The following MUC22 variants were observed in gnomAD, a reference collection of about 807,000 sequenced individuals.
The protein encoded by MUC22 is mucin-22.
A neutral mutation model predicts 40.3 loss-of-function variants in MUC22; 24 were observed. The ratio of observed to expected loss-of-function variants is 0.60; its 90% CI spans 0.43 to 0.84. The LOEUF (loss-of-function observed/expected upper bound fraction) is 0.84, where lower values mean the gene tolerates loss of function less well. Ranked by LOEUF, MUC22 falls within the 40% of genes least tolerant of loss-of-function variation. The pLI, the probability that MUC22 is intolerant of heterozygous loss-of-function variation, is 0.00. For synonymous variants in MUC22, 765 were observed against 844.5 expected (o/e 0.91, Z 1.63); for missense variants, 1,926 against 2,130.7 (o/e 0.90, Z 1.89).
At chr6:31,030,033 C>T (rs1000619275) in exon 2 of MUC22, 1 of 1,535,620 alleles carries the variant, frequency 6.5e-7, no homozygotes, top group African/African-American at 1.4e-5. Context: ...CTGTCTCTTC[C>T]ACCACGTTTG....
At position 31,028,552 on chromosome 6, in the gene MUC22, G is replaced by A. The variant is rs1374175370; in HGVS notation, c.3121G>A (p.Gly1041Ser). The change falls in exon 2 of 4, where the codon GGC becomes AGC. Residue 1041 changes from glycine to serine, a missense_variant. Gly to Ser is a moderately conservative substitution (Grantham distance 56, BLOSUM62 0). This residue lies in a region of MUC22 where 1,281 missense variants were observed against 1,337.8 expected (regional missense o/e 0.96). Coordinates refer to ENST00000561890, the Ensembl canonical transcript of MUC22. ...TGAGACCACTATGGCCTCTACCATA[G>A]GCTCTGAGACCACCAAGGTCTCCAC... The A allele has an allele frequency of 1.3e-6, 2 of 1,533,508 alleles. No homozygotes were observed. The highest frequency in any genetic ancestry group is 3.9e-5 in the Admixed American group (2 of 50,788). 95.0% of individuals were successfully genotyped at this position (1,533,508 alleles called of 1,614,324 possible).
intron 1 of MUC22, among the ~76,000 whole-genome samples, chr6:31,020,774 C>G (rs9986628): frequency 0.24 from 36,465 of 151,172 alleles, 4,669 homozygotes; most frequent in East Asian, 0.41. Flanking sequence ...GGGCCAGCTG[C>G]AGTTCCAGGT....
chr6:31,008,761 T>G (rs559237082), upstream of MUC22, among the ~76,000 whole-genome samples: 2 of 152,270 alleles, frequency 1.3e-5, no homozygotes, highest in South Asian at 4.1e-4. Flanking sequence ...TTCACCATGT[T>G]GATCAGGCTG....
At chr6:31,010,489 T>C (rs1265783869) in exon 1 of MUC22, 1 of 548,192 alleles carries the variant, frequency 1.8e-6, no homozygotes, top group African/African-American at 1.9e-5. Context: ...AGAAGAAAAA[T>C]AAGAAGCCAA....
chr6:31,027,131 A>C lies in MUC22; in HGVS notation c.1700A>C (p.Lys567Thr), dbSNP rs574300692. 1,510 of 1,471,974 alleles carry C rather than the reference A, an allele frequency of 1.0e-3. 147 individuals carry two copies. The highest frequency in any genetic ancestry group is 7.6e-3 in the East Asian group (285 of 37,258). 91.2% of individuals were successfully genotyped at this position (1,471,974 alleles called of 1,614,324 possible). ...TCTACCATAGGCCCTGAGACCACCAAGGTCTCCACTGCAAGCTCTGAGGTG... is the reference window on the plus strand; with the variant it reads ...TCTACCATAGGCCCTGAGACCACCACGGTCTCCACTGCAAGCTCTGAGGTG... Residue 567 changes from lysine (K) to threonine (T), a missense_variant, in exon 2 of 4, where the codon AAG (lysine) becomes ACG (threonine). Transcript: ENST00000561890.
rs1386977435 is a variant in MUC22 at position 31,032,553 on chromosome 6, G to A, written c.5027G>A (p.Gly1676Glu). ...CTGGCTGCAGTTGTGGCTGCTGTTG[G>A]ATTGTCAGTAGGACTGAGTTTTTGT... is the stretch of plus-strand genomic sequence containing the variant. Residue 1676 changes from glycine to glutamate, a missense_variant, in exon 3 of 4, where the codon GGA becomes GAA. By Grantham distance (98) the Gly-to-Glu change is moderately conservative. Transcript: ENST00000561890. The surrounding 1 kb of genome is among the most constrained non-coding windows in gnomAD (Gnocchi z 4.1). 3.3e-6 allele frequency: 5 copies of A among 1,535,334 alleles called. No homozygotes were observed. The highest frequency in any genetic ancestry group is 4.9e-5 in the East Asian group (2 of 40,938).
rs190875681 is a variant in MUC22, at chr6:31,033,777, C to T, written c.5056-895C>T. 4.9e-4 allele frequency among the ~76,000 whole-genome samples: 75 copies of T among 152,302 alleles called. 2 individuals are homozygous for T. The highest frequency in any genetic ancestry group is 4.4e-3 in the Admixed American group (67 of 15,300). On this transcript the variant is annotated intron_variant, in intron 3 of 3. Transcript: ENST00000561890. ...ACACTACAAATCAGCACTTTTCCCT[C>T]GGAGAGCCTGTTATTAAGTGTTGGA...
At chr6:31,015,833 G>GT (rs1439491458) in intron 1 of MUC22, among the ~76,000 whole-genome samples, 3 of 152,054 alleles carry the variant, frequency 2.0e-5, no homozygotes, top group Non-Finnish European at 4.4e-5. Context: ...GTAGAAAGTT[G>GT]TATCAGTCAG....
intron 1 of MUC22, among the ~76,000 whole-genome samples, chr6:31,021,004 C>A (rs933221794): frequency 6.7e-6 from 1 of 149,722 alleles, no homozygotes; most frequent in Non-Finnish European, 1.5e-5. Context: ...GAGCCTCCCA[C>A]CCCCTCCATG....
upstream of MUC22, among the ~76,000 whole-genome samples, chr6:31,006,886 C>T (rs2523919): frequency 0.15 from 22,437 of 151,940 alleles, 1,717 homozygotes; most frequent in Admixed American, 0.2. Flanking sequence ...CAGTGGCTCA[C>T]GTCTGTAATC....
chr6:31,018,680 A>C (rs1247122014), intron 1 of MUC22, among the ~76,000 whole-genome samples: 1 of 152,222 alleles, frequency 6.6e-6, no homozygotes, highest in Non-Finnish European at 1.5e-5. Context: ...CCATCATGCA[A>C]ATCTGTTTTC....
exon 2 of MUC22, chr6:31,027,155 T>G (rs1330994387): frequency 6.7e-7 from 1 of 1,494,200 alleles, no homozygotes; most frequent in South Asian, 1.2e-5. Flanking sequence ...AGCTCTGAGG[T>G]GACCACAGTC....
intron 1 of MUC22, among the ~76,000 whole-genome samples, chr6:31,014,263 T>G (rs190838019): frequency 6.6e-6 from 1 of 152,184 alleles, no homozygotes; most frequent in Non-Finnish European, 1.5e-5. Flanking sequence ...ATATATGTAA[T>G]TAATTCATCC....
intron 1 of MUC22, among the ~76,000 whole-genome samples, chr6:31,017,011 C>A (rs9262476): frequency 0.15 from 22,083 of 152,220 alleles, 1,761 homozygotes; most frequent in African/African-American, 0.19. Context: ...CTCCAATTCT[C>A]GCCGGACCTC....
chr6:31,018,431 A>G (rs1221084237), intron 1 of MUC22, among the ~76,000 whole-genome samples: 1 of 152,170 alleles, frequency 6.6e-6, no homozygotes, highest in Non-Finnish European at 1.5e-5. Context: ...CCAGTAGTTG[A>G]CTTACTCTCA....
At chr6:31,024,658 G>A (rs1169679134) in intron 1 of MUC22, among the ~76,000 whole-genome samples, 1 of 152,146 alleles carries the variant, frequency 6.6e-6, no homozygotes, top group Non-Finnish European at 1.5e-5. Flanking sequence ...TTTGGGTTAT[G>A]TGTTGTTAAA....
chr6:31,033,596 G>A (rs1313502885), intron 3 of MUC22, among the ~76,000 whole-genome samples: 1 of 152,180 alleles, frequency 6.6e-6, no homozygotes, highest in Admixed American at 6.5e-5. Flanking sequence ...TACCATTTGA[G>A]GAGTGAAGCA....
rs1394495235 is a variant in MUC22 at position 31,027,200 on chromosome 6, C to T, written c.1769C>T (p.Thr590Ile). 1.3e-6 allele frequency: 2 copies of T among 1,502,294 alleles called. No homozygotes were observed. Among genetic ancestry groups the T allele is most frequent in the Admixed American group, 2.1e-5 (1 of 48,698 alleles). 93.1% of individuals were successfully genotyped at this position (1,502,294 alleles called of 1,614,324 possible). Residue 590 changes from threonine to isoleucine, a missense_variant, in exon 2 of 4, where the codon ACC becomes ATC. This residue lies in a region of MUC22 where 1,281 missense variants were observed against 1,337.8 expected (regional missense o/e 0.96). Coordinates refer to ENST00000561890, the Ensembl canonical transcript of MUC22. Reference sequence around the variant, plus strand: ...GGCTCTGAGACAATCAGAGCCTCTACCGTAGGCTCTGAGACCACCACAGTC... The same window carrying T: ...GGCTCTGAGACAATCAGAGCCTCTATCGTAGGCTCTGAGACCACCACAGTC...
chr6:31,034,783 C>T, exon 4 of MUC22: 1 of 1,535,718 alleles, frequency 6.5e-7, no homozygotes, highest in Non-Finnish European at 8.7e-7. Context: ...ATTCCACAGC[C>T]TGGGAAATGC....
Sources: gnomAD v4.1 joint callset for allele counts (sites outside exome capture counted in the v4.1 genomes callset) on GRCh38, gnomAD v4.1.1 for gene constraint, gnomAD v4.1.1 regional missense constraint, Gnocchi (gnomAD v3.1) non-coding constraint, MANE v1.5 for transcripts, NCBI Gene and HGNC (gene_info 2026-07-23, HGNC 2026-07-21) for gene names.